Variants in KANK1 observed in about 807,000 individuals in gnomAD.
KANK1 encodes KN motif and ankyrin repeat domains 1, also known as KN motif and ankyrin repeat domain-containing protein 1.
A neutral mutation model predicts 106.2 loss-of-function variants in KANK1; 109 were observed. That is an observed-to-expected ratio of 1.03 (90% CI 0.88 to 1.20). KANK1 has a LOEUF of 1.20. Ranked by LOEUF, KANK1 falls within the 50% of genes most tolerant of loss-of-function variation. The pLI, the probability that KANK1 is intolerant of heterozygous loss-of-function variation, is 0.00. For synonymous variants in KANK1, 873 were observed against 652.2 expected, an observed-to-expected ratio of 1.34 and a Z score of -5.16; for missense variants, 2,399 against 1,710.7, an observed-to-expected ratio of 1.40 and a Z score of -7.10.
At chr9:485,367 T>C (rs145992712) in intron 3 of KANK1, among the ~76,000 whole-genome samples, 4 of 152,358 alleles carry the variant, frequency 2.6e-5, no homozygotes, top group African/African-American at 9.6e-5. Context: ...AATTCAATGA[T>C]TTTTAGTAAA....
chr9:713,433 C>T lies in KANK1; in HGVS notation c.2667C>T (p.Asp889=), dbSNP rs1297289309. 1 of 1,601,740 alleles carries T rather than the reference C, an allele frequency of 6.2e-7. No homozygotes were observed. Among genetic ancestry groups the T allele is most frequent in the Non-Finnish European group, 8.5e-7 (1 of 1,175,138 alleles). ...GCACTGAAGAGCTGAGGAACCCTGA[C>T]TTCCAGAAAACCAGTCTGGGTAAAA... The part of the protein sequence containing the change: ...SASTEELRNP[D]FQKTSLGKIT... The change falls in exon 3 of 12, where the codon GAC becomes GAT. Residue 889 remains aspartate (D), a synonymous_variant. Coordinates refer to ENST00000382297, the MANE Select transcript of KANK1 (RefSeq NM_015158.5).
Position 537,999 on chromosome 9 carries a change from T to A in KANK1, c.-84+33245T>A, listed in dbSNP as rs73371012. Among the ~76,000 whole-genome samples the A allele has an allele frequency of 6.7e-3, 1,021 of 152,296 alleles. 16 individuals are homozygous for A. Among genetic ancestry groups the A allele is most frequent in the African/African-American group, 0.022 (931 of 41,556 alleles). ...CCCTGAGTAGGCTCAAACATTTATT[T>A]ACTGTTGATTCCCCTCTCTCTTGTT... On this transcript the variant is annotated intron_variant, in intron 1 of 11. Coordinates refer to ENST00000382297, the MANE Select transcript of KANK1 (RefSeq NM_015158.5).
At chr9:604,781 G>T (rs1828673404) in intron 1 of KANK1, among the ~76,000 whole-genome samples, 1 of 151,896 alleles carries the variant, frequency 6.6e-6, no homozygotes, top group Non-Finnish European at 1.5e-5. Context: ...AGTGAGCCAA[G>T]ATTGTGCCAC....
rs142138263 is a variant in KANK1 at position 567,980 on chromosome 9, G to C, written c.-84+63226G>C. On this transcript the variant is annotated intron_variant, in intron 1 of 11. Transcript: ENST00000382297. ...CAAAGAGAGAGTGCCAAAGTTCAAC[G>C]CTTGGCATTGTTGGTTTTTTTTTTT... 2.5e-4 allele frequency among the ~76,000 whole-genome samples: 38 copies of C among 150,806 alleles called. 1 individual carries two copies. In the East Asian group the frequency reaches 7.5e-3, roughly 30 times the overall value.
intron 9 of KANK1, among the ~76,000 whole-genome samples, chr9:741,533 G>A (rs1835526025): frequency 6.7e-6 from 1 of 148,942 alleles, no homozygotes; most frequent in Non-Finnish European, 1.5e-5. Flanking sequence ...TGTCACCCAG[G>A]CTGGAGTGCA....
At chr9:506,673 G>A (rs114968757) in intron 1 of KANK1, among the ~76,000 whole-genome samples, 1,957 of 152,266 alleles carry the variant, frequency 0.013, 40 homozygotes, top group African/African-American at 0.044. Flanking sequence ...AATGGCCACT[G>A]GAATTGATAC....
intron 1 of KANK1, among the ~76,000 whole-genome samples, chr9:508,743 T>G (rs1018529088): frequency 2.0e-5 from 3 of 151,914 alleles, no homozygotes; most frequent in African/African-American, 7.3e-5. Context: ...TTATTTTCAC[T>G]GCTGTGTAAT....
intron 1 of KANK1, among the ~76,000 whole-genome samples, chr9:580,537 G>C (rs1293439501): frequency 1.3e-5 from 2 of 152,210 alleles, no homozygotes; most frequent in African/African-American, 4.8e-5. Context: ...CCCTGAGCTA[G>C]ACGCAAAAGT....
intron 2 of KANK1, among the ~76,000 whole-genome samples, chr9:697,073 C>A: frequency 7.6e-6 from 1 of 131,138 alleles, no homozygotes; most frequent in Non-Finnish European, 1.6e-5. Flanking sequence ...GTATTTGTTC[C>A]ATCTGTGTGT....
chr9:557,347 T>C (rs1161164459), intron 1 of KANK1, among the ~76,000 whole-genome samples: 2 of 152,162 alleles, frequency 1.3e-5, no homozygotes, highest in South Asian at 2.1e-4. Flanking sequence ...ATATGTATCA[T>C]TGTTGAAGCT....
intron 1 of KANK1, among the ~76,000 whole-genome samples, chr9:622,145 A>G (rs770996101): frequency 1.3e-5 from 2 of 152,216 alleles, no homozygotes; most frequent in Non-Finnish European, 2.9e-5. Flanking sequence ...GGAATGGTCT[A>G]ATTTCGGTCA....
chr9:654,703 T>C (rs1361477511), intron 1 of KANK1, among the ~76,000 whole-genome samples: 1 of 152,142 alleles, frequency 6.6e-6, no homozygotes, highest in African/African-American at 2.4e-5. Flanking sequence ...CAGGTACCAA[T>C]ATATTGTTTG....
chr9:562,867 A>G (rs1021049058), intron 1 of KANK1, among the ~76,000 whole-genome samples: 1 of 152,206 alleles, frequency 6.6e-6, no homozygotes, highest in Non-Finnish European at 1.5e-5. Flanking sequence ...AATTCACTAA[A>G]TATTTGTTGA....
At chr9:490,273 AG>A (rs2058356156) in intron 3 of KANK1, among the ~76,000 whole-genome samples, 2 of 152,338 alleles carry the variant, frequency 1.3e-5, no homozygotes, top group Admixed American at 6.5e-5. Flanking sequence ...AGCCCAAAAA[AG>A]GTGGGAGGAT....
Position 734,838 on chromosome 9 carries a change from G to A in KANK1, c.3333+3G>A. 1 of 1,608,816 alleles carries A rather than the reference G, an allele frequency of 6.2e-7. No homozygotes were observed. The highest frequency in any genetic ancestry group is 8.5e-7 in the Non-Finnish European group (1 of 1,175,172). On this transcript the variant is annotated splice_donor_region_variant and intron_variant, in intron 7 of 11. Coordinates refer to ENST00000382297, the MANE Select transcript of KANK1 (RefSeq NM_015158.5). Reference sequence around the variant, plus strand: ...AAGCTTTGACCAGCAAAGATATGGTGAGTCTGACCTGCAAACACCATCCCC... The same window carrying A: ...AAGCTTTGACCAGCAAAGATATGGTAAGTCTGACCTGCAAACACCATCCCC...
intron 1 of KANK1, among the ~76,000 whole-genome samples, chr9:585,984 G>C (rs1397984095): frequency 6.6e-6 from 1 of 152,190 alleles, no homozygotes; most frequent in East Asian, 1.9e-4. Context: ...GTTAGGTTTG[G>C]AAGTTATAAG....
chr9:516,296 G>C (rs533051704), intron 1 of KANK1, among the ~76,000 whole-genome samples: 1 of 151,760 alleles, frequency 6.6e-6, no homozygotes, highest in Admixed American at 6.5e-5. Flanking sequence ...TTATACTTCA[G>C]GAGTAGGAGG....
In KANK1 at chr9:543,284, G is replaced by A. The variant is rs10975058; in HGVS notation, c.-84+38530G>A. Among the ~76,000 whole-genome samples the A allele has an allele frequency of 0.028, 4,200 of 151,998 alleles. 292 individuals are homozygous for A. The East Asian group carries it at 0.28, about 10-fold the overall frequency. On this transcript the variant is annotated intron_variant, in intron 1 of 11. Coordinates refer to ENST00000382297, the MANE Select transcript of KANK1 (RefSeq NM_015158.5). ...CTTGGAGAACATTGAGGCCGGGCAC[G>A]GTGGCTCATGCTTGTAATCTCAGCA...
At chr9:715,574 C>A (rs1013694643) in intron 3 of KANK1, among the ~76,000 whole-genome samples, 1 of 152,220 alleles carries the variant, frequency 6.6e-6, no homozygotes, top group African/African-American at 2.4e-5. Flanking sequence ...TCCAGTCACA[C>A]TGACATGCCA....
Sources: allele counts gnomAD v4.1 joint callset (sites outside exome capture counted in the v4.1 genomes callset), GRCh38; gene constraint gnomAD v4.1.1; transcripts MANE v1.5; gene names NCBI Gene and HGNC (gene_info 2026-07-23, HGNC 2026-07-21).